The following RGS4 variants were observed in gnomAD, a reference collection of about 807,000 sequenced individuals.
RGS4 encodes schizophrenia disorder 9.
In RGS4, 15 loss-of-function variants were observed where a neutral mutation model predicts 21.6. The ratio of observed to expected loss-of-function variants is 0.69; its 90% CI spans 0.46 to 1.07. The LOEUF is 1.07. RGS4 is among the 50% of genes least tolerant of loss of function. The pLI is 0.00. For missense variants in RGS4, 237 were observed against 239.0 expected, an observed-to-expected ratio of 0.99 and a Z score of 0.06; for synonymous variants, 94 against 85.5, an observed-to-expected ratio of 1.10 and a Z score of -0.55.
intron 1 of RGS4, chr1:163,071,855 G>GCCGCCCCCC (rs1557859054): frequency 1.1e-3 from 2 of 1,822 alleles, no homozygotes; most frequent in Non-Finnish European, 1.0e-3. Flanking sequence ...GGAACTGCTT[G>GCCGCCCCCC]CCCCCCCCCC....
chr1:163,071,640 C>T (rs950867132), intron 1 of RGS4, among the ~76,000 whole-genome samples: 2 of 151,988 alleles, frequency 1.3e-5, no homozygotes, highest in Admixed American at 1.3e-4. Context: ...CTCCTAATAG[C>T]TGTTAAGCCT....
intron 1 of RGS4, among the ~76,000 whole-genome samples, chr1:163,070,902 G>T (rs189078099): frequency 3.9e-5 from 6 of 152,274 alleles, no homozygotes; most frequent in African/African-American, 1.4e-4. Flanking sequence ...CTCCAGAGGA[G>T]CCATTGCCTT....
At chr1:163,072,685 A>G (rs1477633654) in intron 2 of RGS4, 120 bp from the exon 3 acceptor site, 1 of 930,414 alleles carries the variant, frequency 1.1e-6, no homozygotes, top group African/African-American at 1.7e-5. Context: ...CTCATCAATA[A>G]CATATTTTGT....
chr1:163,071,164 G>T (rs1465008265), intron 1 of RGS4, among the ~76,000 whole-genome samples: 3 of 152,054 alleles, frequency 2.0e-5, no homozygotes. Flanking sequence ...TAACATTCAG[G>T]ATTGTATCTT....
intron 1 of RGS4, chr1:163,072,122 A>G (rs1655337748): frequency 8.8e-7 from 1 of 1,141,884 alleles, no homozygotes; most frequent in Non-Finnish European, 1.1e-6. Context: ...ACGGGCATAT[A>G]AAGGCTTCTC....
intron 1 of RGS4, chr1:163,071,908 T>C (rs1478987921): frequency 1.1e-6 from 1 of 881,186 alleles, no homozygotes; most frequent in African/African-American, 2.2e-5. Flanking sequence ...GACTTTTACT[T>C]TCCCGAGGTG....
rs1246323375 is a variant in RGS4 at position 163,075,572 on chromosome 1, C to T, written c.*1012C>T. 3.3e-5 allele frequency: 5 copies of T among 152,140 alleles called. No individual in the cohort carries two copies. Among genetic ancestry groups the T allele is most frequent in the African/African-American group, 1.2e-4 (5 of 41,424 alleles). The allele number at this position is 152,140 out of a possible 1,614,324, so 9.4% of individuals were successfully genotyped here. A position where few individuals can be genotyped will look rare whatever the true frequency, so the allele number is the denominator to read the frequency against. Reference sequence around the variant, plus strand: ...AGAAATACAGCTAAGGCCTTGCCAGCAACACCTGCCGTAAGTTACTGGCTG... The same window carrying T: ...AGAAATACAGCTAAGGCCTTGCCAGTAACACCTGCCGTAAGTTACTGGCTG... On this transcript the variant is annotated 3_prime_UTR_variant, in exon 5 of 5. Transcript: ENST00000367909.
upstream of RGS4, chr1:163,068,892 T>C (rs1655205935): frequency 3.6e-6 from 5 of 1,374,962 alleles, no homozygotes; most frequent in African/African-American, 2.9e-5. Context: ...ACGATGATCC[T>C]GCCAGCTCCC....
rs982594717 is a variant in RGS4, at chr1:163,074,437, C to T, written c.495C>T (p.Tyr165=). 1.2e-6 allele frequency: 2 copies of T among 1,613,888 alleles called. No homozygotes were observed. Among genetic ancestry groups the T allele is most frequent in the Non-Finnish European group, 1.7e-6 (2 of 1,179,836 alleles). The change falls in exon 5 of 5, where the codon TAC becomes TAT. Residue 165 remains tyrosine (Y), a synonymous_variant. Coordinates refer to ENST00000367909, the MANE Select transcript of RGS4 (RefSeq NM_005613.6). ...KIFNLMEKDS[Y]RRFLKSRFYL... ...TCAACCTGATGGAGAAGGATTCCTA[C>T]CGCCGCTTCCTCAAGTCTCGATTCT...
intron 1 of RGS4, among the ~76,000 whole-genome samples, chr1:163,071,249 C>A (rs567908824): frequency 1.3e-5 from 2 of 151,906 alleles, no homozygotes; most frequent in African/African-American, 4.8e-5. Flanking sequence ...AGTAATCTTG[C>A]GAGGAAGAGA....
At chr1:163,068,928 T>G (rs1262124611), upstream of RGS4, 6 of 1,578,704 alleles carry the variant, frequency 3.8e-6, no homozygotes, top group Non-Finnish European at 5.2e-6. Context: ...GGATCAGATC[T>G]TGGACCATGT....
upstream of RGS4, chr1:163,068,907 G>A (rs1159101635): frequency 6.7e-7 from 1 of 1,495,428 alleles, no homozygotes; most frequent in East Asian, 2.3e-5. Flanking sequence ...GCTCCCTTTT[G>A]GAAATCGTGA....
intron 1 of RGS4, among the ~76,000 whole-genome samples, chr1:163,070,907 T>C (rs1378524479): frequency 1.3e-5 from 2 of 152,174 alleles, no homozygotes; most frequent in Non-Finnish European, 2.9e-5. Context: ...GAGGAGCCAT[T>C]GCCTTCTCAA....
chr1:163,070,267 G>A (rs760701207), intron 1 of RGS4, among the ~76,000 whole-genome samples: 5 of 151,792 alleles, frequency 3.3e-5, no homozygotes, highest in Non-Finnish European at 7.4e-5. Context: ...TTTTTGGTTT[G>A]TTCAAAAAAG....
At chr1:163,073,786 T>C (rs1655407385) in intron 4 of RGS4, 164 bp downstream of exon 4, 1 of 543,780 alleles carries the variant, frequency 1.8e-6, no homozygotes, top group South Asian at 2.9e-5. Context: ...AATCTCCTCT[T>C]CTAGCTATCT....
In RGS4 at chr1:163,073,514, C is replaced by T. The variant is rs770426247; in HGVS notation, c.270C>T (p.Asp90=). 6.2e-7 allele frequency: 1 copy of T among 1,608,300 alleles called. No individual in the cohort carries two copies. The highest frequency in any genetic ancestry group is 1.1e-5 in the South Asian group (1 of 89,766). ...LKSEYSEENI[D]FWISCEEYKK... is the part of the protein sequence containing the mutation. ...CTGAATATAGTGAGGAGAATATTGACTTCTGGATCAGCTGTGAAGAGTACA... is the reference window on the plus strand; with the variant it reads ...CTGAATATAGTGAGGAGAATATTGATTTCTGGATCAGCTGTGAAGAGTACA... The change falls in exon 4 of 5, where the codon GAC becomes GAT. Residue 90 remains aspartate (D), a synonymous_variant. Coordinates refer to ENST00000367909, the MANE Select transcript of RGS4 (RefSeq NM_005613.6).
At position 163,071,915 on chromosome 1, in the gene RGS4, G is replaced by T. The variant is rs543557790; in HGVS notation, c.45-480G>T. 20 of 941,052 alleles carry T rather than the reference G, an allele frequency of 2.1e-5. No homozygotes were observed. In the South Asian group the frequency reaches 8.0e-4, roughly 38 times the overall value. 58.3% of individuals were successfully genotyped at this position (941,052 alleles called of 1,614,324 possible). A position where few individuals can be genotyped will look rare whatever the true frequency, so the allele number is the denominator to read the frequency against. On this transcript the variant is annotated intron_variant, in intron 1 of 4. Coordinates refer to ENST00000367909, the MANE Select transcript of RGS4 (RefSeq NM_005613.6). ...ACTGAATAGACTTTTACTTTCCCGA[G>T]GTGCTTCTACAGTTCCCTCTGCCAG...
Position 163,073,579 on chromosome 1 carries a change from A to G in RGS4, c.335A>G (p.Lys112Arg). Residue 112 changes from lysine (K) to arginine (R), a missense_variant, in exon 4 of 5, where the codon AAA becomes AGA. Transcript: ENST00000367909. ...KSPSKLSPKA[K>R]KIYNEFISVQ... The stretch of plus-strand genomic sequence containing the variant: ...CCATCTAAACTAAGTCCCAAGGCCA[A>G]AAAGATCTATAATGAATTCATCTCA... 1.2e-6 allele frequency: 2 copies of G among 1,611,322 alleles called. No individual in the cohort carries two copies. Among genetic ancestry groups the G allele is most frequent in the South Asian group, 1.1e-5 (1 of 90,584 alleles).
In RGS4 at chr1:163,072,452, A is replaced by G. The variant is rs1362029551; in HGVS notation, c.102A>G (p.Glu34=). Residue 34 remains glutamate (E), a synonymous_variant, in exon 2 of 5, where the codon GAA becomes GAG. Coordinates refer to ENST00000367909, the MANE Select transcript of RGS4 (RefSeq NM_005613.6). Reference sequence around the variant, plus strand: ...TGCTGCAAAAATCTGATTCCTGTGAACACAATTCTTCCCACAACAAGAAGG... The same window carrying G: ...TGCTGCAAAAATCTGATTCCTGTGAGCACAATTCTTCCCACAACAAGAAGG... ...GFLLQKSDSC[E]HNSSHNKKDK... is the part of the protein sequence containing the mutation. 1 of 1,613,264 alleles carries G rather than the reference A, an allele frequency of 6.2e-7. No individual in the cohort carries two copies. Among genetic ancestry groups the G allele is most frequent in the Admixed American group, 1.7e-5 (1 of 59,934 alleles).
Sources: gnomAD v4.1 joint callset for allele counts (sites outside exome capture counted in the v4.1 genomes callset) on GRCh38, gnomAD v4.1.1 for gene constraint, MANE v1.5 for transcripts, NCBI Gene and HGNC (gene_info 2026-07-23, HGNC 2026-07-21) for gene names.